The following ZMAT1 variants were observed in gnomAD, a reference collection of about 807,000 sequenced individuals.
ZMAT1 encodes the protein zinc finger matrin-type protein 1.
ZMAT1 carries 11 observed loss-of-function variants against 18.5 expected under a neutral mutation model. The ratio of observed to expected loss-of-function variants is 0.59; its 90% CI spans 0.37 to 0.98. ZMAT1 has a LOEUF of 0.98. ZMAT1 is among the 50% of genes least tolerant of loss of function. The pLI, the probability that ZMAT1 is intolerant of heterozygous loss-of-function variation, is 0.01. For synonymous variants in ZMAT1, 211 were observed against 176.4 expected (o/e 1.20, Z -1.55); for missense variants, 525 against 496.2 (o/e 1.06, Z -0.55).
chrX:101,930,435 G>A (rs1276515766), intron 1 of ZMAT1, among the ~76,000 whole-genome samples: 1 of 112,236 alleles, frequency 8.9e-6, no homozygotes, highest in Non-Finnish European at 1.9e-5. Flanking sequence ...TTAATAAGTG[G>A]CATTTATGTA....
chrX:101,911,465 T>A, intron 1 of ZMAT1: 1 of 619,265 alleles, frequency 1.6e-6, no homozygotes, highest in South Asian at 3.3e-5. Context: ...TCAAAAAGAA[T>A]AACTACAACT....
intron 1 of ZMAT1, among the ~76,000 whole-genome samples, chrX:101,910,292 A>G (rs1185091076): frequency 8.9e-6 from 1 of 112,272 alleles, no homozygotes; most frequent in Non-Finnish European, 1.9e-5. Flanking sequence ...GTAAGCCTTC[A>G]CAAGAAGGAC....
chrX:101,900,989 A>G (rs1928187162), intron 2 of ZMAT1, among the ~76,000 whole-genome samples: 1 of 111,450 alleles, frequency 9.0e-6, no homozygotes, highest in Non-Finnish European at 1.9e-5. Flanking sequence ...GATTTCTTTC[A>G]GCAGTGTTTT....
chrX:101,917,483 C>T (rs868259253), intron 1 of ZMAT1, among the ~76,000 whole-genome samples: 3 of 102,909 alleles, frequency 2.9e-5, no homozygotes. Flanking sequence ...CAAAGCTACA[C>T]GAAATAACAT....
At chrX:101,914,421 G>T (rs1026477310) in intron 1 of ZMAT1, among the ~76,000 whole-genome samples, 5 of 109,846 alleles carry the variant, frequency 4.6e-5, no homozygotes, top group Non-Finnish European at 9.5e-5. Flanking sequence ...GGTTTTTTTT[G>T]AAAAGTTCAA....
chrX:101,899,835 G>A (rs931521647), intron 2 of ZMAT1, among the ~76,000 whole-genome samples: 2 of 111,858 alleles, frequency 1.8e-5, no homozygotes, highest in Non-Finnish European at 3.8e-5. Flanking sequence ...TGGGATTGCT[G>A]GATGAAATGA....
intron 1 of ZMAT1, among the ~76,000 whole-genome samples, chrX:101,915,939 C>A (rs979202231): frequency 2.7e-5 from 3 of 112,070 alleles, no homozygotes; most frequent in South Asian, 3.7e-4. Context: ...GACACATGCA[C>A]ATGTATGTTT....
chrX:101,925,333 T>A (rs922911112), intron 1 of ZMAT1, among the ~76,000 whole-genome samples: 20 of 112,344 alleles, frequency 1.8e-4, no homozygotes, highest in African/African-American at 6.1e-4. Flanking sequence ...AAACTCCAAT[T>A]TTCTATAAAT....
intron 2 of ZMAT1, among the ~76,000 whole-genome samples, chrX:101,902,489 G>A (rs906204070): frequency 8.0e-5 from 9 of 111,897 alleles, no homozygotes; most frequent in African/African-American, 2.9e-4. Flanking sequence ...AGGTGAAATT[G>A]TTGTAGATAT....
At chrX:101,911,897 A>G in intron 1 of ZMAT1, 1 of 1,207,046 alleles carries the variant, frequency 8.3e-7, no homozygotes, top group Admixed American at 2.2e-5. Flanking sequence ...AAGGACGCAC[A>G]CTGGGGAAAA....
intron 5 of ZMAT1, among the ~76,000 whole-genome samples, chrX:101,886,378 C>T: frequency 9.0e-6 from 1 of 111,520 alleles, no homozygotes. Flanking sequence ...TTTAGCATCT[C>T]TCCAAAGAAC....
chrX:101,931,605 C>G (rs979390232), intron 1 of ZMAT1, 112 bp downstream of exon 1: 9 of 550,586 alleles, frequency 1.6e-5, no homozygotes, highest in Non-Finnish European at 1.8e-5. Flanking sequence ...TACTGCGCCA[C>G]GGCAGGTGGG....
At chrX:101,902,481 G>A (rs1477659005) in intron 2 of ZMAT1, among the ~76,000 whole-genome samples, 2 of 111,754 alleles carry the variant, frequency 1.8e-5, no homozygotes, top group Non-Finnish European at 3.8e-5. Context: ...TATTTTAAAG[G>A]TGAAATTGTT....
chrX:101,888,768 T>C (rs1927155869), intron 4 of ZMAT1: 1 of 111,883 alleles, frequency 8.9e-6, no homozygotes, highest in Non-Finnish European at 1.9e-5. Flanking sequence ...AGTGTTAGTG[T>C]ATTTTATGTG....
chrX:101,912,186 C>T, intron 1 of ZMAT1: 1 of 523,983 alleles, frequency 1.9e-6, no homozygotes, highest in South Asian at 3.7e-5. Context: ...AAAGCCTTTT[C>T]ACACAGCACT....
At chrX:101,898,908 C>T (rs1484761692) in intron 2 of ZMAT1, among the ~76,000 whole-genome samples, 4 of 111,137 alleles carry the variant, frequency 3.6e-5, no homozygotes, top group South Asian at 7.6e-4. Flanking sequence ...ATTAGCTGGG[C>T]GTGGTGGTGT....
intron 2 of ZMAT1, among the ~76,000 whole-genome samples, chrX:101,902,212 G>C (rs911883215): frequency 1.8e-5 from 2 of 111,724 alleles, no homozygotes; most frequent in African/African-American, 6.5e-5. Flanking sequence ...TAACTTGCAT[G>C]TCCTGTGTGA....
At chrX:101,919,003 T>C (rs761674985) in intron 1 of ZMAT1, among the ~76,000 whole-genome samples, 1 of 111,587 alleles carries the variant, frequency 9.0e-6, no homozygotes, top group Non-Finnish European at 1.9e-5. Context: ...ACTCATTTCC[T>C]CAAACAAGTT....
At chrX:101,928,960 A>G (rs1930234799) in intron 1 of ZMAT1, among the ~76,000 whole-genome samples, 1 of 111,507 alleles carries the variant, frequency 9.0e-6, no homozygotes. Flanking sequence ...GTCCTACAAA[A>G]TCTCATAATT....
Sources: gnomAD v4.1 joint callset for allele counts (sites outside exome capture counted in the v4.1 genomes callset) on GRCh38, gnomAD v4.1.1 for gene constraint, MANE v1.5 for transcripts, NCBI Gene and HGNC (gene_info 2026-07-23, HGNC 2026-07-21) for gene names.